The following CNTNAP5 variants were observed in gnomAD, a reference collection of about 807,000 sequenced individuals.
CNTNAP5 encodes the protein contactin-associated protein-like 5.
In CNTNAP5, 72 loss-of-function variants were observed where a neutral mutation model predicts 150.2. The ratio of observed to expected loss-of-function variants is 0.48; its 90% CI spans 0.40 to 0.58. The LOEUF (loss-of-function observed/expected upper bound fraction) is 0.58. CNTNAP5 is among the 20% of genes least tolerant of loss of function. The pLI, the probability that CNTNAP5 is intolerant of heterozygous loss-of-function variation, is 0.00. For missense variants in CNTNAP5, 1,636 were observed against 1,626.2 expected (o/e 1.01, Z -0.10); for synonymous variants, 672 against 619.8 (o/e 1.08, Z -1.25).
chr2:124,445,362 T>G (rs929836796), intron 5 of CNTNAP5, among the ~76,000 whole-genome samples: 1 of 151,974 alleles, frequency 6.6e-6, no homozygotes, highest in African/African-American at 2.4e-5. Context: ...CCTCCCAAAG[T>G]GGTGGGATTA....
At chr2:124,910,897 A>G (rs796532908) in intron 22 of CNTNAP5, among the ~76,000 whole-genome samples, 2 of 151,996 alleles carry the variant, frequency 1.3e-5, no homozygotes, top group South Asian at 4.1e-4. Context: ...GGTCTTCCTC[A>G]ATGTCACCAG....
chr2:124,634,469 A>G lies in CNTNAP5; in HGVS notation c.1877-13289A>G, dbSNP rs535062588. ...GTTCCTAATAAGTTTCTTTTTATAT[A>G]TGATGCACACACAGGCACACACGTG... On this transcript the variant is annotated intron_variant, in intron 12 of 23. Transcript: ENST00000682447. 9.9e-5 allele frequency among the ~76,000 whole-genome samples: 15 copies of G among 152,248 alleles called. No homozygotes were observed. In the East Asian group the frequency reaches 2.7e-3, roughly 28 times the overall value.
intron 3 of CNTNAP5, among the ~76,000 whole-genome samples, chr2:124,382,516 T>A (rs1418324558): frequency 6.6e-6 from 1 of 152,168 alleles, no homozygotes; most frequent in Non-Finnish European, 1.5e-5. Context: ...TCCAGCTTCA[T>A]GATGTTGGAA....
intron 19 of CNTNAP5, among the ~76,000 whole-genome samples, chr2:124,834,604 C>T (rs1453957520): frequency 6.6e-6 from 1 of 152,056 alleles, no homozygotes; most frequent in Non-Finnish European, 1.5e-5. Flanking sequence ...GTGGTGTGAT[C>T]TGTAAGTAAC....
At chr2:124,428,605 G>A (rs2104789036) in intron 4 of CNTNAP5, among the ~76,000 whole-genome samples, 1 of 151,876 alleles carries the variant, frequency 6.6e-6, no homozygotes, top group East Asian at 1.9e-4. Context: ...GAAATTCAGA[G>A]CAACATTTAA....
chr2:124,583,126 G>C (rs1314452869), intron 11 of CNTNAP5, among the ~76,000 whole-genome samples: 1 of 147,316 alleles, frequency 6.8e-6, no homozygotes, highest in Non-Finnish European at 1.5e-5. Context: ...CCACAGACCA[G>C]CTTCTGCTTC....
intron 1 of CNTNAP5, among the ~76,000 whole-genome samples, chr2:124,163,419 T>C (rs1684732033): frequency 6.6e-6 from 1 of 152,166 alleles, no homozygotes; most frequent in African/African-American, 2.4e-5. Flanking sequence ...ACAGAGAGTT[T>C]TCATTTACTG....
intron 11 of CNTNAP5, among the ~76,000 whole-genome samples, chr2:124,598,672 C>T (rs1696895251): frequency 6.6e-6 from 1 of 151,656 alleles, no homozygotes; most frequent in East Asian, 2.0e-4. Context: ...TGGGCTCCAC[C>T]CAGTTTGAGC....
chr2:124,084,379 G>A (rs1682629673), intron 1 of CNTNAP5, among the ~76,000 whole-genome samples: 1 of 151,672 alleles, frequency 6.6e-6, no homozygotes, highest in African/African-American at 2.4e-5. Flanking sequence ...CGATTCTCCT[G>A]CCTCAGTCCC....
intron 12 of CNTNAP5, among the ~76,000 whole-genome samples, chr2:124,619,737 C>T (rs1201368561): frequency 1.3e-5 from 2 of 151,254 alleles, no homozygotes; most frequent in Non-Finnish European, 2.9e-5. Flanking sequence ...ACTGCAGCTA[C>T]TTCCTGGGTC....
At chr2:124,823,922 CTTT>C (rs758235068) in intron 19 of CNTNAP5, among the ~76,000 whole-genome samples, 1 of 140,386 alleles carries the variant, frequency 7.1e-6, no homozygotes. Context: ...TTTTTTTTTT[CTTT>C]TTTTTTTTTT....
At chr2:124,800,934 T>C (rs1055884958) in intron 19 of CNTNAP5, among the ~76,000 whole-genome samples, 5 of 152,002 alleles carry the variant, frequency 3.3e-5, no homozygotes, top group Non-Finnish European at 7.4e-5. Context: ...TACAGCTTGG[T>C]TTTATATATT....
intron 5 of CNTNAP5, among the ~76,000 whole-genome samples, chr2:124,445,577 T>C (rs1396325654): frequency 2.0e-5 from 3 of 152,194 alleles, no homozygotes; most frequent in Non-Finnish European, 4.4e-5. Flanking sequence ...AGTCTGATGC[T>C]TCTAACCCTA....
At chr2:124,747,496 C>A in intron 14 of CNTNAP5, 111 bp downstream of exon 14, 1 of 1,268,964 alleles carries the variant, frequency 7.9e-7, no homozygotes, top group Non-Finnish European at 1.1e-6. Context: ...AACTGGAGCT[C>A]CCCCGATGGT....
At chr2:124,348,656 T>C (rs1269640422) in intron 3 of CNTNAP5, among the ~76,000 whole-genome samples, 1 of 152,166 alleles carries the variant, frequency 6.6e-6, no homozygotes, top group Non-Finnish European at 1.5e-5. Context: ...TAACATCCAA[T>C]TTGGCACATA....
At chr2:124,648,411 G>C (rs1209126759) in intron 13 of CNTNAP5, among the ~76,000 whole-genome samples, 1 of 152,070 alleles carries the variant, frequency 6.6e-6, no homozygotes, top group Admixed American at 6.6e-5. Flanking sequence ...ATGCCTAAGG[G>C]GGCAGTGTTA....
chr2:124,759,334 AAT>A, intron 14 of CNTNAP5, among the ~76,000 whole-genome samples: 1 of 146,910 alleles, frequency 6.8e-6, no homozygotes, highest in East Asian at 2.0e-4. Context: ...TTTCTAGAAA[AAT>A]ATATATATAC....
chr2:124,845,461 C>G (rs1187373694), intron 19 of CNTNAP5, among the ~76,000 whole-genome samples: 2 of 135,054 alleles, frequency 1.5e-5, no homozygotes, highest in Admixed American at 1.5e-4. Context: ...TTTGCTATTT[C>G]CTTCCCTGGT....
rs756026528 is a variant in CNTNAP5, at chr2:124,363,371, C to T, written c.382-54072C>T. Among the ~76,000 whole-genome samples, 57 of 152,182 alleles carry T rather than the reference C, an allele frequency of 3.7e-4. 1 individual carries two copies. Among genetic ancestry groups the T allele is most frequent in the Non-Finnish European group, 1.8e-4 (12 of 68,034 alleles). On this transcript the variant is annotated intron_variant, in intron 3 of 23. Transcript: ENST00000682447. ...ACAGACTCCCCTCCTGAACTCTACA[C>T]CTGCAGACCAGCCCTCCTTCTTAAC...
Sources: allele counts gnomAD v4.1 joint callset (sites outside exome capture counted in the v4.1 genomes callset), GRCh38; gene constraint gnomAD v4.1.1; transcripts MANE v1.5; gene names NCBI Gene and HGNC (gene_info 2026-07-23, HGNC 2026-07-21).